Variants in TMEM74 observed in about 807,000 individuals in gnomAD.
The protein encoded by TMEM74 is transmembrane protein 74.
A neutral mutation model predicts 18.1 loss-of-function variants in TMEM74; 13 were observed. That is an observed-to-expected ratio of 0.72 (90% CI 0.47 to 1.14). The LOEUF (loss-of-function observed/expected upper bound fraction) is 1.14. Among genes scored for constraint, TMEM74 ranks in the 50% most tolerant of loss-of-function variants. The pLI is 0.00. For synonymous variants in TMEM74, 159 were observed against 146.6 expected (o/e 1.08, Z -0.61); for missense variants, 372 against 375.9 (o/e 0.99, Z 0.09).
chr8:108,657,881 T>C lies in TMEM74; in HGVS notation n.120-2444A>G, dbSNP rs1331529741. Among the ~76,000 whole-genome samples the C allele has an allele frequency of 1.1e-4, 11 of 98,486 alleles. 1 individual carries two copies. The highest frequency in any genetic ancestry group is 4.5e-4 in the African/African-American group (11 of 24,514). 64.6% of individuals were successfully genotyped at this position (98,486 alleles called of 152,430 possible). On this transcript the variant is annotated intron_variant and non_coding_transcript_variant, in intron 1 of 3. Transcript: ENST00000518838. ...AAAAATATATATATATATATATATATATATATATATATATATATATATTAA... is the reference window on the plus strand; with the variant it reads ...AAAAATATATATATATATATATATACATATATATATATATATATATATTAA...
At chr8:108,761,745 G>A (rs983575677) in intron 1 of TMEM74, among the ~76,000 whole-genome samples, 9 of 152,196 alleles carry the variant, frequency 5.9e-5, no homozygotes, top group South Asian at 2.1e-4. Flanking sequence ...TAGTCCTTGC[G>A]TGAGGACATT....
At chr8:108,777,081 G>A (rs1814242489), downstream of TMEM74, among the ~76,000 whole-genome samples, 7 of 152,060 alleles carry the variant, frequency 4.6e-5, no homozygotes. Flanking sequence ...TCTTATTTAC[G>A]TTCTATCAGA....
At chr8:108,743,422 C>A (rs1813820761) in intron 1 of TMEM74, among the ~76,000 whole-genome samples, 1 of 151,708 alleles carries the variant, frequency 6.6e-6, no homozygotes, top group Admixed American at 6.6e-5. Context: ...AAAGGCCTTA[C>A]CAGAAATTAA....
At chr8:108,722,832 A>G (rs1429638714) in intron 1 of TMEM74, among the ~76,000 whole-genome samples, 1 of 152,158 alleles carries the variant, frequency 6.6e-6, no homozygotes. Flanking sequence ...TCATATTACT[A>G]TCATGGCTAA....
In TMEM74 at chr8:108,609,106, C is replaced by T. The variant is rs765290442; in HGVS notation, n.265-280G>A. On this transcript the variant is annotated intron_variant and non_coding_transcript_variant, in intron 2 of 3. Transcript: ENST00000518838. ...AGGTCTTGCAAAGTTTATGGTTTCC[C>T]TCTTTGATCATTGGAGACAAAGAGT... 3.9e-5 allele frequency among the ~76,000 whole-genome samples: 6 copies of T among 152,260 alleles called. No homozygotes were observed. The South Asian group carries it at 6.2e-4, about 16-fold the overall frequency.
chr8:108,679,928 G>A (rs1332411520), intron 1 of TMEM74, among the ~76,000 whole-genome samples: 1 of 152,104 alleles, frequency 6.6e-6, no homozygotes, highest in Non-Finnish European at 1.5e-5. Context: ...AAATAAACTA[G>A]AAAATCTAGA....
chr8:108,750,164 G>A (rs1041774032), intron 1 of TMEM74, among the ~76,000 whole-genome samples: 3 of 152,252 alleles, frequency 2.0e-5, no homozygotes, highest in Non-Finnish European at 4.4e-5. Context: ...GTCTCACTCT[G>A]AGAATCAAAA....
At chr8:108,616,674 C>A (rs544467456) in intron 2 of TMEM74, among the ~76,000 whole-genome samples, 70 of 152,136 alleles carry the variant, frequency 4.6e-4, no homozygotes, top group African/African-American at 1.6e-3. Context: ...GAAGACACAC[C>A]AACACATACC....
At chr8:108,630,150 C>G (rs1812536168) in intron 2 of TMEM74, among the ~76,000 whole-genome samples, 1 of 151,536 alleles carries the variant, frequency 6.6e-6, no homozygotes. Context: ...ATTTACCAAA[C>G]AAATGGAAAG....
chr8:108,638,262 T>C (rs962294343), intron 2 of TMEM74, among the ~76,000 whole-genome samples: 1 of 152,172 alleles, frequency 6.6e-6, no homozygotes, highest in African/African-American at 2.4e-5. Flanking sequence ...TGCGAAGAAC[T>C]CTGCTTAGAA....
At chr8:108,721,471 C>G (rs758052652) in intron 1 of TMEM74, among the ~76,000 whole-genome samples, 2 of 152,240 alleles carry the variant, frequency 1.3e-5, no homozygotes, top group African/African-American at 2.4e-5. Flanking sequence ...TTTGTCTTTG[C>G]TGTTCCATCG....
chr8:108,700,130 GGTGTGTGTGTGT>G (rs3049748), intron 1 of TMEM74, among the ~76,000 whole-genome samples: 15 of 143,162 alleles, frequency 1.0e-4, no homozygotes, highest in Admixed American at 4.2e-4. Flanking sequence ...GGCCATAAAT[GGTGTGTGTGTGT>G]GTGTGTGTGT....
intron 1 of TMEM74, among the ~76,000 whole-genome samples, chr8:108,744,034 T>A (rs1279885008): frequency 7.4e-6 from 1 of 135,096 alleles, no homozygotes; most frequent in Non-Finnish European, 1.7e-5. Flanking sequence ...AGGTGGGCAA[T>A]GTTTAGTGCA....
At chr8:108,743,339 A>G (rs1350030162) in intron 1 of TMEM74, among the ~76,000 whole-genome samples, 2 of 152,198 alleles carry the variant, frequency 1.3e-5, no homozygotes, top group African/African-American at 4.8e-5. Flanking sequence ...TCTCTTTTGT[A>G]TAATTTGAAA....
intron 1 of TMEM74, among the ~76,000 whole-genome samples, chr8:108,683,346 T>A (rs1486815123): frequency 6.6e-6 from 1 of 151,748 alleles, no homozygotes; most frequent in Non-Finnish European, 1.5e-5. Context: ...AAACTATAGT[T>A]CAGTATCATT....
intron 1 of TMEM74, among the ~76,000 whole-genome samples, chr8:108,771,101 A>G (rs1814166251): frequency 6.6e-6 from 1 of 152,158 alleles, no homozygotes; most frequent in Admixed American, 6.5e-5. Context: ...TAATTAATTC[A>G]TACTTTACTA....
intron 1 of TMEM74, among the ~76,000 whole-genome samples, chr8:108,756,930 G>T (rs1231871872): frequency 6.6e-6 from 1 of 151,978 alleles, no homozygotes; most frequent in African/African-American, 2.4e-5. Context: ...GTTGAACCAG[G>T]GAAAGGGTTT....
chr8:108,719,711 G>C (rs945990711), intron 1 of TMEM74, among the ~76,000 whole-genome samples: 5 of 152,050 alleles, frequency 3.3e-5, no homozygotes, highest in Admixed American at 2.0e-4. Context: ...GAGGCTAGTG[G>C]GGGGTGGGGA....
chr8:108,628,979 GTTGT>G (rs1304273162), intron 2 of TMEM74, among the ~76,000 whole-genome samples: 1 of 151,876 alleles, frequency 6.6e-6, no homozygotes. Flanking sequence ...TTTTAATGGT[GTTGT>G]TTGTTTTTTT....
Sources: gnomAD v4.1 joint callset for allele counts (sites outside exome capture counted in the v4.1 genomes callset) on GRCh38, gnomAD v4.1.1 for gene constraint, MANE v1.5 for transcripts, NCBI Gene and HGNC (gene_info 2026-07-23, HGNC 2026-07-21) for gene names.